ARHGEF3: variants seen among roughly 807,000 people sequenced by gnomAD.
ARHGEF3 encodes the protein Rho guanine nucleotide exchange factor 3, also known as 59.8 kDA protein.
In ARHGEF3, 28 loss-of-function variants were observed where a neutral mutation model predicts 63.2. The observed-to-expected ratio is 0.44, with a 90% confidence interval of 0.33 to 0.61. The LOEUF (loss-of-function observed/expected upper bound fraction) is 0.61. ARHGEF3 is among the 20% of genes least tolerant of loss of function. The pLI is 0.03. For missense variants in ARHGEF3, 533 were observed against 659.3 expected (o/e 0.81, Z 2.10); for synonymous variants, 266 against 254.2 (o/e 1.05, Z -0.44).
At chr3:56,883,597 TTTTTC>T (rs2040836691) in intron 3 of ARHGEF3, among the ~76,000 whole-genome samples, 2 of 152,210 alleles carry the variant, frequency 1.3e-5, no homozygotes, top group Admixed American at 1.3e-4. Flanking sequence ...GAGCCTGGCC[TTTTTC>T]TTTTCATTAG....
intron 2 of ARHGEF3, among the ~76,000 whole-genome samples, chr3:57,008,051 G>A (rs1443419805): frequency 6.6e-6 from 1 of 152,164 alleles, no homozygotes; most frequent in Non-Finnish European, 1.5e-5. Context: ...CTAACACCAC[G>A]AGAATTTTTC....
rs993420955 is a variant in ARHGEF3, at chr3:56,793,504, T to C, written c.96+8199A>G. Reference sequence around the variant, plus strand: ...TTTTAGTAGAGACTGGGTTTTACCATGTTGGCCAGGCTGGTCTTGAACTCC... The same window carrying C: ...TTTTAGTAGAGACTGGGTTTTACCACGTTGGCCAGGCTGGTCTTGAACTCC... On this transcript the variant is annotated intron_variant, in intron 1 of 9. Coordinates refer to ENST00000296315, the MANE Select transcript of ARHGEF3 (RefSeq NM_019555.3). Among the ~76,000 whole-genome samples the C allele has an allele frequency of 4.6e-5, 7 of 151,878 alleles. 1 individual carries two copies. The highest frequency in any genetic ancestry group is 1.3e-4 in the Admixed American group (2 of 15,244).
chr3:56,889,656 G>A (rs554401886), intron 3 of ARHGEF3, among the ~76,000 whole-genome samples: 46 of 152,292 alleles, frequency 3.0e-4, no homozygotes, highest in African/African-American at 1.1e-3. Flanking sequence ...CACCCTGACT[G>A]CCAAACCACT....
intron 1 of ARHGEF3, chr3:57,074,562 T>A: frequency 2.8e-6 from 1 of 358,778 alleles, no homozygotes. Flanking sequence ...CATCAATTGA[T>A]CAATCAATCG....
At chr3:56,770,913 AC>A (rs2035971959) in intron 2 of ARHGEF3, among the ~76,000 whole-genome samples, 1 of 152,148 alleles carries the variant, frequency 6.6e-6, no homozygotes, top group East Asian at 1.9e-4. Context: ...GGAGTTTGAG[AC>A]CAGTCTGGCC....
At chr3:56,963,002 C>T (rs1700345649) in intron 2 of ARHGEF3, among the ~76,000 whole-genome samples, 2 of 152,030 alleles carry the variant, frequency 1.3e-5, no homozygotes, top group African/African-American at 4.8e-5. Context: ...ATTTAGACTG[C>T]TCCTGCTGTC....
At chr3:56,946,559 A>T (rs1369889537) in intron 3 of ARHGEF3, among the ~76,000 whole-genome samples, 1 of 152,232 alleles carries the variant, frequency 6.6e-6, no homozygotes, top group Non-Finnish European at 1.5e-5. Flanking sequence ...AAATGAAGCG[A>T]GAAGAAAAGT....
intron 1 of ARHGEF3, among the ~76,000 whole-genome samples, chr3:57,064,894 C>G (rs963453499): frequency 1.3e-5 from 2 of 152,130 alleles, no homozygotes; most frequent in Non-Finnish European, 2.9e-5. Context: ...CACTACTGAC[C>G]TGAAAACTTA....
chr3:57,035,949 G>C (rs1703934919), intron 1 of ARHGEF3, among the ~76,000 whole-genome samples: 1 of 152,154 alleles, frequency 6.6e-6, no homozygotes, highest in Non-Finnish European at 1.5e-5. Flanking sequence ...TTGTTTTATA[G>C]GCCCTGGTTT....
intron 2 of ARHGEF3, among the ~76,000 whole-genome samples, chr3:56,995,252 C>T (rs938552588): frequency 2.0e-5 from 3 of 151,884 alleles, no homozygotes; most frequent in Non-Finnish European, 4.4e-5. Flanking sequence ...GAGCTGAGGC[C>T]GGCGTCTGGG....
chr3:57,042,675 TATATATATA>T (rs1704248719), intron 1 of ARHGEF3, among the ~76,000 whole-genome samples: 17 of 41,358 alleles, frequency 4.1e-4, no homozygotes, highest in South Asian at 9.5e-4. Flanking sequence ...TATATATATA[TATATATATA>T]TATATATATA....
At chr3:56,745,870 A>G (rs190191762) in intron 6 of ARHGEF3, among the ~76,000 whole-genome samples, 1 of 152,256 alleles carries the variant, frequency 6.6e-6, no homozygotes, top group East Asian at 1.9e-4. Context: ...ATGGGGTTTC[A>G]ACGTGTTAGC....
chr3:56,977,294 A>G (rs1701162584), intron 2 of ARHGEF3: 1 of 456,546 alleles, frequency 2.2e-6, no homozygotes, highest in African/African-American at 2.0e-5. Flanking sequence ...TCTATCAAAC[A>G]TGGTCCATCT....
intron 1 of ARHGEF3, among the ~76,000 whole-genome samples, chr3:56,798,590 C>T (rs995496394): frequency 2.0e-5 from 3 of 147,228 alleles, no homozygotes; most frequent in Non-Finnish European, 4.5e-5. Flanking sequence ...AACCTCACTA[C>T]GGGGAAATAT....
chr3:56,739,628 A>G (rs1313142992), intron 7 of ARHGEF3, among the ~76,000 whole-genome samples: 1 of 152,008 alleles, frequency 6.6e-6, no homozygotes, highest in African/African-American at 2.4e-5. Context: ...TCTGACTCCT[A>G]GACTCAAGCG....
chr3:56,818,976 T>C (rs2038369337), intron 4 of ARHGEF3, among the ~76,000 whole-genome samples: 2 of 152,196 alleles, frequency 1.3e-5, no homozygotes, highest in African/African-American at 4.8e-5. Context: ...AAGGTGACAG[T>C]ATGCTACATC....
Position 57,012,231 on chromosome 3 carries a change from C to A in ARHGEF3, c.62+22857G>T, listed in dbSNP as rs145817542. On this transcript the variant is annotated intron_variant, in intron 2 of 12. Coordinates refer to the ARHGEF3 transcript ENST00000338458. Reference sequence around the variant, plus strand: ...TTCAGCACTTAAATCTGTACCTGGTCGTGAACTAAGCCCTCTTTTGTTATT... The same window carrying A: ...TTCAGCACTTAAATCTGTACCTGGTAGTGAACTAAGCCCTCTTTTGTTATT... Among the ~76,000 whole-genome samples the A allele has an allele frequency of 2.6e-4, 40 of 152,224 alleles. No homozygotes were observed. The East Asian group carries it at 7.1e-3, about 27-fold the overall frequency.
intron 1 of ARHGEF3, among the ~76,000 whole-genome samples, chr3:56,781,524 G>T (rs1018974082): frequency 6.6e-6 from 1 of 152,136 alleles, no homozygotes; most frequent in Non-Finnish European, 1.5e-5. Context: ...GGGATTACAG[G>T]TGTGAGCCAC....
chr3:56,991,905 G>A (rs529786230), intron 2 of ARHGEF3, among the ~76,000 whole-genome samples: 23 of 152,252 alleles, frequency 1.5e-4, no homozygotes, highest in Non-Finnish European at 2.6e-4. Flanking sequence ...ATGAGCCACC[G>A]CGCCCGGCCC....
Sources: gnomAD v4.1 joint callset for allele counts (sites outside exome capture counted in the v4.1 genomes callset) on GRCh38, gnomAD v4.1.1 for gene constraint, MANE v1.5 for transcripts, NCBI Gene and HGNC (gene_info 2026-07-23, HGNC 2026-07-21) for gene names.